USP50: variants seen among roughly 807,000 people sequenced by gnomAD.
USP50 encodes the protein ubiquitin carboxyl-terminal hydrolase 50.
Under a neutral mutation model 39.2 loss-of-function variants are expected in USP50, and 37 were observed. The observed-to-expected ratio is 0.94, with a 90% CI of 0.73 to 1.24. The LOEUF (loss-of-function observed/expected upper bound fraction) is 1.24, where lower values mean the gene tolerates loss of function less well. Among genes scored for constraint, USP50 ranks in the 50% most tolerant of loss-of-function variants. USP50 has a pLI of 0.00. For synonymous variants in USP50, 139 were observed against 144.5 expected (o/e 0.96, Z 0.27); for missense variants, 374 against 398.2 (o/e 0.94, Z 0.52).
chr15:50,534,772 T>C lies in USP50; in HGVS notation c.803+3937A>G, dbSNP rs186746519. Among the ~76,000 whole-genome samples the C allele has an allele frequency of 1.6e-4, 24 of 152,206 alleles. No individual in the cohort carries two copies. The East Asian group carries it at 4.6e-3, about 29-fold the overall frequency. ...GGATAAAAAGGGCCATACATAATGATAAAGGGATCACTTTTTCAAGAAGAC... is the reference window on the plus strand; with the variant it reads ...GGATAAAAAGGGCCATACATAATGACAAAGGGATCACTTTTTCAAGAAGAC... On this transcript the variant is annotated intron_variant, in intron 5 of 6. Coordinates refer to ENST00000532404, the MANE Select transcript of USP50 (RefSeq NM_203494.5).
Position 50,541,073 on chromosome 15 carries a change from T to A in USP50, c.636A>T (p.Pro212=). The part of the protein sequence containing the change: ...EVFTVFSLPI[P]SKYECSLRDC... ...CCCGAAGGGAGCATTCATATTTGGA[T>A]GGAATGGGGAGTGAGAAGACAGTGA... Residue 212 remains proline (P), a synonymous_variant, in exon 4 of 7, where the codon CCA becomes CCT. Coordinates refer to ENST00000532404, the MANE Select transcript of USP50 (RefSeq NM_203494.5). The A allele has an allele frequency of 6.2e-7, 1 of 1,613,672 alleles. No homozygotes were observed. Among genetic ancestry groups the A allele is most frequent in the Non-Finnish European group, 8.5e-7 (1 of 1,179,712 alleles).
chr15:50,519,575 T>G (rs923167850), intron 6 of USP50, among the ~76,000 whole-genome samples: 11 of 151,666 alleles, frequency 7.3e-5, no homozygotes, highest in African/African-American at 2.7e-4. Context: ...ATTAGGCGGG[T>G]GCGGTGGCGG....
chr15:50,541,331 G>A (rs1168990910), intron 3 of USP50, 67 bp from the exon 4 acceptor site: 26 of 1,400,442 alleles, frequency 1.9e-5, no homozygotes, highest in Non-Finnish European at 2.5e-5. Flanking sequence ...TGGCAACATG[G>A]TGAGATCCCA....
At chr15:50,531,242 G>T (rs981640683) in intron 5 of USP50, among the ~76,000 whole-genome samples, 3 of 152,082 alleles carry the variant, frequency 2.0e-5, no homozygotes, top group Non-Finnish European at 2.9e-5. Flanking sequence ...TGAAGCCTTA[G>T]GCCCACATAA....
intron 6 of USP50, among the ~76,000 whole-genome samples, chr15:50,529,048 C>T (rs976120087): frequency 1.3e-4 from 20 of 152,104 alleles, no homozygotes; most frequent in Non-Finnish European, 2.5e-4. Context: ...AAATTATACT[C>T]CATGCTTTCT....
chr15:50,498,081 C>T (rs181472356), downstream of USP50, among the ~76,000 whole-genome samples: 10 of 152,058 alleles, frequency 6.6e-5, no homozygotes, highest in Non-Finnish European at 1.5e-4. Context: ...TGAATATTTT[C>T]AAAATTATGA....
intron 1 of USP50, 123 bp from the exon 2 acceptor site, chr15:50,544,904 T>G: frequency 1.1e-6 from 1 of 934,992 alleles, no homozygotes; most frequent in Non-Finnish European, 1.6e-6. Flanking sequence ...TCCAAACACA[T>G]TCCCTACCAA....
chr15:50,508,970 T>TAA (rs2141348967), intron 6 of USP50: 1 of 150,976 alleles, frequency 6.6e-6, no homozygotes, highest in East Asian at 2.0e-4. Flanking sequence ...CCATCTCTAT[T>TAA]AAAAATACAA....
intron 1 of USP50, among the ~76,000 whole-genome samples, chr15:50,495,015 T>C (rs904987028): frequency 6.8e-6 from 1 of 146,260 alleles, no homozygotes; most frequent in African/African-American, 2.5e-5. Context: ...TGAGACTCTT[T>C]CTAAAAAAAA....
intron 6 of USP50, among the ~76,000 whole-genome samples, chr15:50,526,184 G>A (rs1224131441): frequency 3.3e-5 from 5 of 152,146 alleles, no homozygotes; most frequent in South Asian, 2.1e-4. Flanking sequence ...TCAGCCCCTC[G>A]AGTAGCTGGG....
chr15:50,541,288 C>T (rs754469367), intron 3 of USP50, 24 bp from the exon 4 acceptor site: 1 of 1,583,128 alleles, frequency 6.3e-7, no homozygotes, highest in South Asian at 1.1e-5. Flanking sequence ...CAAATTTCAC[C>T]CAAATTAATT....
At chr15:50,537,849 A>G (rs1434091856) in intron 5 of USP50, among the ~76,000 whole-genome samples, 2 of 111,662 alleles carry the variant, frequency 1.8e-5, no homozygotes, top group Non-Finnish European at 3.7e-5. Flanking sequence ...ACAAAGCAAG[A>G]GACTGAAGAA....
downstream of USP50, among the ~76,000 whole-genome samples, chr15:50,495,586 A>C (rs1380459388): frequency 6.6e-6 from 1 of 152,022 alleles, no homozygotes; most frequent in African/African-American, 2.4e-5. Context: ...ACAAGCATGA[A>C]CCACCACATC....
downstream of USP50, chr15:50,496,963 G>T: frequency 8.1e-7 from 1 of 1,234,922 alleles, no homozygotes. Flanking sequence ...TGGGAAGGCA[G>T]GAACTCTTTT....
chr15:50,527,545 G>T (rs746516376), intron 6 of USP50, among the ~76,000 whole-genome samples: 88 of 151,954 alleles, frequency 5.8e-4, no homozygotes, highest in Non-Finnish European at 9.9e-4. Context: ...CCAATGCTAC[G>T]GTTCTCCTGA....
chr15:50,515,760 CTG>C (rs2052797950), intron 6 of USP50, among the ~76,000 whole-genome samples: 1 of 151,882 alleles, frequency 6.6e-6, no homozygotes, highest in African/African-American at 2.4e-5. Flanking sequence ...AGATTTAGGA[CTG>C]TAGTTCTCTT....
chr15:50,545,780 G>A (rs185224074), intron 1 of USP50, among the ~76,000 whole-genome samples: 197 of 151,940 alleles, frequency 1.3e-3, no homozygotes, highest in South Asian at 6.3e-3. Flanking sequence ...CAACTATGCC[G>A]TTTATTAATT....
chr15:50,532,997 TGAAAA>T (rs1326309642), intron 5 of USP50, among the ~76,000 whole-genome samples: 1 of 151,516 alleles, frequency 6.6e-6, no homozygotes, highest in African/African-American at 2.4e-5. Context: ...CTTTTAAAAC[TGAAAA>T]GAAGAAAGAA....
At chr15:50,500,560 A>G, downstream of USP50, 1 of 498,058 alleles carries the variant, frequency 2.0e-6, no homozygotes, top group Middle Eastern at 5.6e-4. Context: ...TAATGATGCA[A>G]GTAAGTTCTA....
Sources: allele counts gnomAD v4.1 joint callset (sites outside exome capture counted in the v4.1 genomes callset), GRCh38; gene constraint gnomAD v4.1.1; transcripts MANE v1.5; gene names NCBI Gene and HGNC (gene_info 2026-07-23, HGNC 2026-07-21).